The following STPG2 variants were observed in gnomAD, a reference collection of about 807,000 sequenced individuals.
STPG2 encodes sperm-tail PG-rich repeat-containing protein 2.
A neutral mutation model predicts 54.2 loss-of-function variants in STPG2; 56 were observed. The ratio of observed to expected loss-of-function variants is 1.03; its 90% confidence interval spans 0.83 to 1.29. The LOEUF is 1.29. Among genes scored for constraint, STPG2 ranks in the 50% most tolerant of loss-of-function variants. The probability of loss-of-function intolerance (pLI) is 0.00; values close to 1 mark genes in which losing one functional copy is unlikely to be tolerated. For synonymous variants in STPG2, 200 were observed against 181.8 expected (o/e 1.10, Z -0.81); for missense variants, 596 against 544.9 (o/e 1.09, Z -0.93).
At chr4:97,974,563 T>C (rs938803245) in intron 6 of STPG2, among the ~76,000 whole-genome samples, 6 of 152,188 alleles carry the variant, frequency 3.9e-5, no homozygotes, top group Admixed American at 3.9e-4. Context: ...GGGAGGAACC[T>C]GGTGGGAGGT....
chr4:97,810,220 C>G (rs1163000322), intron 9 of STPG2, among the ~76,000 whole-genome samples: 2 of 152,254 alleles, frequency 1.3e-5, no homozygotes, highest in African/African-American at 4.8e-5. Flanking sequence ...AATCCCAACA[C>G]TCTGGGAGGC....
chr4:97,758,286 T>C (rs1227070419), intron 9 of STPG2, among the ~76,000 whole-genome samples: 1 of 152,050 alleles, frequency 6.6e-6, no homozygotes, highest in African/African-American at 2.4e-5. Context: ...TAACAGACAT[T>C]TATAAAAATC....
chr4:97,681,505 T>G (rs1723033613), intron 10 of STPG2, among the ~76,000 whole-genome samples: 2 of 151,858 alleles, frequency 1.3e-5, no homozygotes, highest in Admixed American at 1.3e-4. Context: ...TATATATTCG[T>G]TAATTGGCAC....
chr4:97,977,774 A>G (rs1368076370), intron 6 of STPG2, among the ~76,000 whole-genome samples: 1 of 152,204 alleles, frequency 6.6e-6, no homozygotes, highest in Non-Finnish European at 1.5e-5. Context: ...TACGAAGTGT[A>G]TTACTATAAC....
At chr4:97,571,461 C>T (rs1732598503) in intron 10 of STPG2, among the ~76,000 whole-genome samples, 1 of 152,106 alleles carries the variant, frequency 6.6e-6, no homozygotes, top group African/African-American at 2.4e-5. Context: ...TGATAAGGAA[C>T]ATTTTACAAC....
At chr4:97,955,599 GA>G (rs1269438503) in intron 7 of STPG2, among the ~76,000 whole-genome samples, 1 of 151,858 alleles carries the variant, frequency 6.6e-6, no homozygotes, top group East Asian at 1.9e-4. Flanking sequence ...AAGACAGCAA[GA>G]AAAAATATGA....
intron 5 of STPG2, among the ~76,000 whole-genome samples, chr4:98,096,198 C>T (rs1244408813): frequency 6.6e-6 from 1 of 152,074 alleles, no homozygotes; most frequent in African/African-American, 2.4e-5. Flanking sequence ...AGTTTAAGAC[C>T]AGCCTGGGCA....
At chr4:97,980,706 G>A (rs1032108334) in intron 6 of STPG2, among the ~76,000 whole-genome samples, 5 of 152,110 alleles carry the variant, frequency 3.3e-5, no homozygotes, top group Non-Finnish European at 7.3e-5. Context: ...CTGTATGTCA[G>A]CAATTTTATA....
rs551394797 is a variant in STPG2, at chr4:98,082,748, G to A, written c.612+23205C>T. On this transcript the variant is annotated intron_variant, in intron 5 of 10. Coordinates refer to ENST00000295268, the MANE Select transcript of STPG2 (RefSeq NM_174952.3). ...ATTACAGGTGTGAGCCACCACGCCC[G>A]GCTGGTCCACTCTTAATAAGTCAAA... Among the ~76,000 whole-genome samples the A allele has an allele frequency of 7.2e-4, 110 of 151,796 alleles. 1 individual carries two copies. The highest frequency in any genetic ancestry group is 3.4e-3 in the Middle Eastern group (1 of 294).
In STPG2 at chr4:97,957,962, C is replaced by T. The variant is rs1027872165; in HGVS notation, c.934-13955G>A. 1.5e-4 allele frequency among the ~76,000 whole-genome samples: 23 copies of T among 152,140 alleles called. 1 individual carries two copies. The highest frequency in any genetic ancestry group is 1.2e-3 in the Admixed American group (19 of 15,258). Reference sequence around the variant, plus strand: ...ATCCCAGAAGCACATCAAAACAGAACCTCTTTAGACCATAAATCTCACAGG... The same window carrying T: ...ATCCCAGAAGCACATCAAAACAGAATCTCTTTAGACCATAAATCTCACAGG... On this transcript the variant is annotated intron_variant, in intron 7 of 10. Coordinates refer to ENST00000295268, the MANE Select transcript of STPG2 (RefSeq NM_174952.3).
intron 3 of STPG2, among the ~76,000 whole-genome samples, chr4:98,126,539 C>A (rs1169491219): frequency 6.6e-6 from 1 of 152,204 alleles, no homozygotes. Context: ...GCCATCATCA[C>A]CCCACTCTGC....
intron 9 of STPG2, among the ~76,000 whole-genome samples, chr4:97,779,556 A>G (rs1315153891): frequency 1.3e-5 from 2 of 152,190 alleles, no homozygotes; most frequent in African/African-American, 4.8e-5. Context: ...GCAGGCCAAC[A>G]TTCAAATTCA....
chr4:97,903,918 A>AT (rs1186040948), intron 8 of STPG2, among the ~76,000 whole-genome samples: 2 of 152,208 alleles, frequency 1.3e-5, no homozygotes, highest in Non-Finnish European at 2.9e-5. Flanking sequence ...GCACCACGAG[A>AT]TTATATTCCG....
chr4:97,484,590 G>C (rs1339023841), intron 4 of STPG2, among the ~76,000 whole-genome samples: 1 of 151,602 alleles, frequency 6.6e-6, no homozygotes, highest in African/African-American at 2.4e-5. Flanking sequence ...AACAAAAAAA[G>C]TCCAGGACCA....
intron 8 of STPG2, among the ~76,000 whole-genome samples, chr4:97,938,483 C>T (rs1390470398): frequency 9.1e-5 from 4 of 44,180 alleles, no homozygotes; most frequent in Non-Finnish European, 2.2e-4. Context: ...AGCAGGCAGC[C>T]ACAGTGACGA....
chr4:97,933,180 C>T (rs978620194), intron 8 of STPG2, among the ~76,000 whole-genome samples: 9 of 151,940 alleles, frequency 5.9e-5, no homozygotes, highest in African/African-American at 1.9e-4. Flanking sequence ...TGAGAATTCT[C>T]GGTTCATGTC....
chr4:97,692,298 G>GAAA (rs70953082), intron 10 of STPG2, among the ~76,000 whole-genome samples: 96 of 90,572 alleles, frequency 1.1e-3, no homozygotes, highest in South Asian at 3.2e-3. Flanking sequence ...TACAGGATAT[G>GAAA]AAAAAAAAAA....
At chr4:98,121,241 T>C (rs1287907783) in intron 3 of STPG2, among the ~76,000 whole-genome samples, 1 of 152,238 alleles carries the variant, frequency 6.6e-6, no homozygotes, top group East Asian at 1.9e-4. Context: ...TCTGTTCCAT[T>C]GGTCTACATT....
intron 9 of STPG2, among the ~76,000 whole-genome samples, chr4:97,783,040 A>G (rs994553538): frequency 2.0e-5 from 3 of 152,242 alleles, no homozygotes; most frequent in African/African-American, 7.2e-5. Context: ...CATGTCTAAA[A>G]CATCAAAAGC....
Sources: allele counts gnomAD v4.1 joint callset (sites outside exome capture counted in the v4.1 genomes callset), GRCh38; gene constraint gnomAD v4.1.1; transcripts MANE v1.5; gene names NCBI Gene and HGNC (gene_info 2026-07-23, HGNC 2026-07-21).